Variants in GCNT1 observed in about 807,000 individuals in gnomAD.
GCNT1 encodes beta-1,3-galactosyl-O-glycosyl-glycoprotein beta-1,6-N-acetylglucosaminyltransferase.
GCNT1 carries 16 observed loss-of-function variants against 26.2 expected under a neutral mutation model. The observed-to-expected ratio is 0.61, with a 90% CI of 0.41 to 0.93. The LOEUF (loss-of-function observed/expected upper bound fraction) is 0.93. Ranked by LOEUF, GCNT1 falls within the 40% of genes least tolerant of loss-of-function variation. GCNT1 has a pLI of 0.00. For synonymous variants in GCNT1, 183 were observed against 190.8 expected, an observed-to-expected ratio of 0.96 and a Z score of 0.34; for missense variants, 477 against 526.7, an observed-to-expected ratio of 0.91 and a Z score of 0.92.
intron 1 of GCNT1, among the ~76,000 whole-genome samples, chr9:76,451,935 C>CTTTTCTTTCTTTCTT (rs1823670100): frequency 1.5e-5 from 2 of 136,434 alleles, no homozygotes; most frequent in African/African-American, 5.6e-5. Context: ...CTTTTCTTTT[C>CTTTTCTTTCTTTCTT]TTTTCTTTCT....
At chr9:76,490,021 G>A (rs910199931) in intron 2 of GCNT1, among the ~76,000 whole-genome samples, 1 of 152,174 alleles carries the variant, frequency 6.6e-6, no homozygotes, top group Non-Finnish European at 1.5e-5. Flanking sequence ...TAAAAATACA[G>A]GGCCCGAAGG....
the GCNT1 span, among the ~76,000 whole-genome samples, chr9:76,407,884 A>G: frequency 1.3e-5 from 2 of 152,168 alleles, no homozygotes; most frequent in Admixed American, 6.5e-5. Context: ...GTTAATATAA[A>G]TGGTATTGAT....
At chr9:76,491,952 T>C (rs1044002280) in intron 2 of GCNT1, among the ~76,000 whole-genome samples, 7 of 152,290 alleles carry the variant, frequency 4.6e-5, no homozygotes, top group East Asian at 1.9e-4. Flanking sequence ...TGAGATCCTT[T>C]CCTTGTATTA....
intron 1 of GCNT1, among the ~76,000 whole-genome samples, chr9:76,443,131 G>A (rs1823506119): frequency 6.6e-6 from 1 of 152,180 alleles, no homozygotes; most frequent in South Asian, 2.1e-4. Context: ...GGAGGCCAAG[G>A]CAGGCAGATC....
upstream of GCNT1, among the ~76,000 whole-genome samples, chr9:76,437,618 CT>C (rs1252292743): frequency 3.9e-5 from 6 of 152,164 alleles, no homozygotes; most frequent in Non-Finnish European, 4.4e-5. Context: ...TTCTACTATA[CT>C]TGTTTTCACT....
chr9:76,494,565 G>A (rs575422), intron 2 of GCNT1, among the ~76,000 whole-genome samples: 32,419 of 151,972 alleles, frequency 0.21, 3,762 homozygotes, highest in Middle Eastern at 0.32. Context: ...AATAATTTTG[G>A]CAAAAATTAT....
chr9:76,489,453 G>A (rs1320117578), intron 2 of GCNT1, among the ~76,000 whole-genome samples: 1 of 152,180 alleles, frequency 6.6e-6, no homozygotes, highest in African/African-American at 2.4e-5. Flanking sequence ...AGCTTCCACA[G>A]GCGTGGAAAG....
intron 2 of GCNT1, among the ~76,000 whole-genome samples, chr9:76,492,559 A>G (rs1188617694): frequency 1.3e-5 from 2 of 150,334 alleles, no homozygotes; most frequent in Non-Finnish European, 2.9e-5. Flanking sequence ...GAGGGTGATG[A>G]CATGAGCTGG....
At position 76,449,054 on chromosome 9, in the gene GCNT1, A is replaced by G. The variant is rs7849914; in HGVS notation, c.-290+6739A>G. Among the ~76,000 whole-genome samples the G allele has an allele frequency of 8.6e-3, 1,305 of 152,272 alleles. 15 individuals are homozygous for G. The highest frequency in any genetic ancestry group is 0.029 in the African/African-American group (1,222 of 41,546). ...CAGAATATGCCACCCCAGGCTGGGC[A>G]TGGTGGCAGGGCCTATAATCCCAGC... On this transcript the variant is annotated intron_variant, in intron 1 of 2. Transcript: ENST00000442371.
chr9:76,448,459 C>G (rs1029374723), intron 1 of GCNT1, among the ~76,000 whole-genome samples: 5 of 152,012 alleles, frequency 3.3e-5, no homozygotes, highest in Admixed American at 1.3e-4. Flanking sequence ...CTCAAAACAA[C>G]AACAGCAGCA....
At chr9:76,451,358 G>C (rs143576075) in intron 1 of GCNT1, among the ~76,000 whole-genome samples, 1 of 152,144 alleles carries the variant, frequency 6.6e-6, no homozygotes, top group East Asian at 1.9e-4. Context: ...CAACACTGTT[G>C]ACCTCCCTTT....
At chr9:76,424,435 A>T (rs1823234906) in intron 1 of GCNT1, among the ~76,000 whole-genome samples, 1 of 152,236 alleles carries the variant, frequency 6.6e-6, no homozygotes. Context: ...GTCCATTTTC[A>T]CAGAGTAGGT....
the GCNT1 span, chr9:76,398,863 G>A: frequency 6.0e-6 from 9 of 1,495,790 alleles, no homozygotes; most frequent in Non-Finnish European, 5.5e-6. Context: ...AGAGGACCTG[G>A]GAGAAGCTTC....
upstream of GCNT1, among the ~76,000 whole-genome samples, chr9:76,438,464 T>A (rs1823438848): frequency 6.6e-6 from 1 of 152,186 alleles, no homozygotes; most frequent in South Asian, 2.1e-4. Context: ...TGTAAACTTT[T>A]CTTATCAGAC....
intron 2 of GCNT1, among the ~76,000 whole-genome samples, chr9:76,464,261 G>A (rs1343633141): frequency 6.6e-6 from 1 of 152,120 alleles, no homozygotes. Flanking sequence ...CTGTTGCCCA[G>A]GTTGGAATGC....
chr9:76,467,907 T>TG (rs1409561952), intron 2 of GCNT1, among the ~76,000 whole-genome samples: 1 of 131,412 alleles, frequency 7.6e-6, no homozygotes, highest in Non-Finnish European at 1.6e-5. Context: ...GTTTTTTTTT[T>TG]TTTTTTTTTT....
At chr9:76,418,931 G>C (rs1339905525), upstream of GCNT1, among the ~76,000 whole-genome samples, 1 of 152,112 alleles carries the variant, frequency 6.6e-6, no homozygotes, top group Admixed American at 6.5e-5. Flanking sequence ...TTTCTTTGTG[G>C]GTCCAGTCTT....
chr9:76,416,232 A>G (rs1337870663), upstream of GCNT1, among the ~76,000 whole-genome samples: 1 of 152,092 alleles, frequency 6.6e-6, no homozygotes, highest in Non-Finnish European at 1.5e-5. Flanking sequence ...TTGGCCAGGG[A>G]CGGCTGAACT....
chr9:76,399,147 C>G, the GCNT1 span: 1 of 1,495,550 alleles, frequency 6.7e-7, no homozygotes. Flanking sequence ...CTGTGTAACA[C>G]AGATTCTCCT....
Sources: gnomAD v4.1 joint callset for allele counts (sites outside exome capture counted in the v4.1 genomes callset) on GRCh38, gnomAD v4.1.1 for gene constraint, MANE v1.5 for transcripts, NCBI Gene and HGNC (gene_info 2026-07-23, HGNC 2026-07-21) for gene names.